The following CUX1 variants were observed in gnomAD, a reference collection of about 807,000 sequenced individuals.
CUX1 encodes the protein protein CASP.
In CUX1, 31 loss-of-function variants were observed where a neutral mutation model predicts 158.8. That is an observed-to-expected ratio of 0.20 (90% CI 0.15 to 0.26). The LOEUF is 0.26. Among genes scored for constraint, CUX1 ranks in the 10% least tolerant of loss-of-function variants. The probability of loss-of-function intolerance (pLI) is 1.00; values close to 1 mark genes in which losing one functional copy is unlikely to be tolerated. For synonymous variants in CUX1, 879 were observed against 862.1 expected (o/e 1.02, Z -0.34); for missense variants, 1,589 against 2,014.6 (o/e 0.79, Z 4.04).
Position 102,228,862 on chromosome 7 carries a change from G to A in CUX1, c.3433+1193G>A, listed in dbSNP as rs1208991633. On this transcript the variant is annotated intron_variant, in intron 21 of 23. Transcript: ENST00000292535. Reference sequence around the variant, plus strand: ...CCTCGGGGCTCCAGAGCTGGGCAGCGTCCACCCGGCAGTGCCAGGATGGCT... The same window carrying A: ...CCTCGGGGCTCCAGAGCTGGGCAGCATCCACCCGGCAGTGCCAGGATGGCT... Among the ~76,000 whole-genome samples the A allele has an allele frequency of 5.3e-5, 8 of 152,164 alleles. No homozygotes were observed. In the South Asian group the frequency reaches 6.2e-4, roughly 12 times the overall value.
At chr7:102,079,576 G>C (rs973830107) in intron 4 of CUX1, among the ~76,000 whole-genome samples, 1 of 152,090 alleles carries the variant, frequency 6.6e-6, no homozygotes, top group Admixed American at 6.5e-5. Context: ...GATTCTGTAC[G>C]GTGACTCCAG....
chr7:102,232,793 C>A (rs185376914), intron 21 of CUX1, among the ~76,000 whole-genome samples: 2 of 152,310 alleles, frequency 1.3e-5, no homozygotes, highest in Admixed American at 1.3e-4. Context: ...AGCGGGCTGC[C>A]TGCCCCTGCC....
intron 12 of CUX1, among the ~76,000 whole-genome samples, chr7:102,190,220 A>G (rs116397548): frequency 0.012 from 1,903 of 152,314 alleles, 32 homozygotes; most frequent in African/African-American, 0.043. Flanking sequence ...ACAGGAGGGA[A>G]ATGTTTTCGG....
chr7:101,821,993 T>C (rs1219756532), intron 1 of CUX1, among the ~76,000 whole-genome samples: 9 of 149,510 alleles, frequency 6.0e-5, no homozygotes, highest in Non-Finnish European at 1.2e-4. Context: ...TAGCTGGGAC[T>C]ACAGGCGCCC....
intron 9 of CUX1, among the ~76,000 whole-genome samples, chr7:102,165,343 G>C (rs1350367585): frequency 1.3e-5 from 2 of 148,692 alleles, no homozygotes; most frequent in Admixed American, 6.9e-5. Context: ...CTGCGGTTAG[G>C]GGAAAGCTTT....
intron 8 of CUX1, among the ~76,000 whole-genome samples, chr7:102,115,955 G>A (rs549982780): frequency 1.3e-5 from 2 of 152,190 alleles, no homozygotes. Flanking sequence ...TGCCAGGCTA[G>A]AGTTTGAACC....
At chr7:101,926,320 CT>C (rs1168268311) in intron 2 of CUX1, among the ~76,000 whole-genome samples, 1 of 152,160 alleles carries the variant, frequency 6.6e-6, no homozygotes, top group Non-Finnish European at 1.5e-5. Context: ...TATTTTCTTT[CT>C]TTTGGGTCTC....
At chr7:102,277,919 C>T in intron 17 of CUX1, 1 of 1,172,924 alleles carries the variant, frequency 8.5e-7, no homozygotes, top group Non-Finnish European at 1.2e-6. Flanking sequence ...GGCCTCTCCC[C>T]CACCCCTTTC....
chr7:101,929,750 CACCT>C (rs1400335698), intron 2 of CUX1, among the ~76,000 whole-genome samples: 1 of 152,180 alleles, frequency 6.6e-6, no homozygotes, highest in African/African-American at 2.4e-5. Flanking sequence ...GCCACCCACC[CACCT>C]ACCAGGATTT....
At chr7:101,839,041 C>T (rs1023062826) in intron 1 of CUX1, among the ~76,000 whole-genome samples, 2 of 152,146 alleles carry the variant, frequency 1.3e-5, no homozygotes, top group Admixed American at 6.5e-5. Context: ...AGAGAGTGTG[C>T]GCAGGCAGGC....
rs782239245 is a variant in CUX1, at chr7:102,248,889, G to A, written c.4365G>A (p.Ser1455=). 9 of 1,395,648 alleles carry A rather than the reference G, an allele frequency of 6.4e-6. No individual in the cohort carries two copies. The highest frequency in any genetic ancestry group is 6.4e-5 in the East Asian group (2 of 31,424). 86.5% of individuals were successfully genotyped at this position (1,395,648 alleles called of 1,614,324 possible). A position where few individuals can be genotyped will look rare whatever the true frequency, so the allele number is the denominator to read the frequency against. Residue 1455 remains serine, a synonymous_variant, in exon 24 of 24, where the codon TCG becomes TCA. Coordinates refer to ENST00000292535, the MANE Select transcript of CUX1 (RefSeq NM_181552.4). The surrounding 1 kb of genome is among the most constrained non-coding windows in gnomAD (Gnocchi z 5.8). ...SSSSAPRRPS[S]LQSLFGLPEA... is the part of the protein sequence containing the mutation. ...GCAGCGCCCCCCGCAGGCCCAGCTC[G>A]CTGCAGAGCCTTTTCGGCCTCCCCG...
At chr7:102,112,122 C>T (rs532689773) in intron 7 of CUX1, 38 of 169,156 alleles carry the variant, frequency 2.2e-4, no homozygotes, top group African/African-American at 9.2e-4. Context: ...AAAAAAAAAA[C>T]TCACTTCTAC....
chr7:102,033,584 A>G (rs1004472529), intron 3 of CUX1, among the ~76,000 whole-genome samples: 1 of 152,234 alleles, frequency 6.6e-6, no homozygotes, highest in Non-Finnish European at 1.5e-5. Context: ...TGAAGTCGAA[A>G]AAGTTCCAAA....
intron 1 of CUX1, among the ~76,000 whole-genome samples, chr7:101,852,020 G>C (rs1268888554): frequency 6.6e-6 from 1 of 151,578 alleles, no homozygotes; most frequent in Non-Finnish European, 1.5e-5. Flanking sequence ...TATAGAGATA[G>C]GGTCTCACTA....
At chr7:101,861,798 T>A (rs1051322558) in intron 1 of CUX1, among the ~76,000 whole-genome samples, 1 of 150,942 alleles carries the variant, frequency 6.6e-6, no homozygotes, top group Non-Finnish European at 1.5e-5. Context: ...GGAGCCTCAC[T>A]CTGTGGCCCA....
intron 2 of CUX1, among the ~76,000 whole-genome samples, chr7:101,993,768 C>A (rs1182964232): frequency 6.6e-6 from 1 of 152,184 alleles, no homozygotes; most frequent in African/African-American, 2.4e-5. Context: ...TAATGTCAGC[C>A]CTCATCCCTG....
rs192968478 is a variant in CUX1, at chr7:101,888,317, T to C, written c.31-27798T>C. Among the ~76,000 whole-genome samples the C allele has an allele frequency of 7.9e-3, 1,200 of 151,976 alleles. 21 individuals are homozygous for C. Among genetic ancestry groups the C allele is most frequent in the African/African-American group, 0.028 (1,151 of 41,448 alleles). On this transcript the variant is annotated intron_variant, in intron 1 of 23. Coordinates refer to ENST00000292535, the MANE Select transcript of CUX1 (RefSeq NM_181552.4). ...CTGCACTCCAGCCTGGGTGACAGAG[T>C]GAGGCTCCGTCTCCAAAAAAAAAGA...
chr7:102,140,755 T>C (rs1156394347), intron 8 of CUX1, among the ~76,000 whole-genome samples: 1 of 151,580 alleles, frequency 6.6e-6, no homozygotes, highest in Non-Finnish European at 1.5e-5. Flanking sequence ...ATCCCAGCTA[T>C]TGGGGAGGCT....
intron 6 of CUX1, among the ~76,000 whole-genome samples, chr7:102,106,377 C>T (rs1302228405): frequency 4.6e-5 from 7 of 152,058 alleles, no homozygotes; most frequent in African/African-American, 1.2e-4. Flanking sequence ...CGTGAGCCAC[C>T]GCACCCGGCT....
Sources: gnomAD v4.1 joint callset for allele counts (sites outside exome capture counted in the v4.1 genomes callset) on GRCh38, gnomAD v4.1.1 for gene constraint, Gnocchi (gnomAD v3.1) non-coding constraint, MANE v1.5 for transcripts, NCBI Gene and HGNC (gene_info 2026-07-23, HGNC 2026-07-21) for gene names.